Variants in SLC18A2 observed in about 807,000 individuals in gnomAD.
The protein encoded by SLC18A2 is solute carrier family 18 member A2.
In SLC18A2, 33 loss-of-function variants were observed where a neutral mutation model predicts 59.2. The ratio of observed to expected loss-of-function variants is 0.56; its 90% CI spans 0.42 to 0.75. The LOEUF (loss-of-function observed/expected upper bound fraction) is 0.75. SLC18A2 is among the 30% of genes least tolerant of loss of function. The probability of loss-of-function intolerance (pLI) is 0.00; values close to 1 mark genes in which losing one functional copy is unlikely to be tolerated. For missense variants in SLC18A2, 569 were observed against 668.6 expected (o/e 0.85, Z 1.64); for synonymous variants, 228 against 253.5 (o/e 0.90, Z 0.95).
At chr10:117,267,335 C>G (rs540139250) in intron 12 of SLC18A2, 4 of 447,038 alleles carry the variant, frequency 8.9e-6, no homozygotes, top group African/African-American at 7.9e-5. Flanking sequence ...GAAACAATAG[C>G]AAGATGTTTT....
At chr10:117,261,036 C>T (rs369022656) in intron 10 of SLC18A2, among the ~76,000 whole-genome samples, 81 of 152,230 alleles carry the variant, frequency 5.3e-4, no homozygotes, top group African/African-American at 1.9e-3. Flanking sequence ...ACTTCTGCTT[C>T]CTTAACAGTT....
intron 13 of SLC18A2, among the ~76,000 whole-genome samples, chr10:117,268,902 GTGTA>G (rs936741717): frequency 2.7e-5 from 4 of 149,982 alleles, no homozygotes; most frequent in African/African-American, 7.3e-5. Context: ...TGTGTGTTGT[GTGTA>G]TGTGTGTGAA....
intron 13 of SLC18A2, among the ~76,000 whole-genome samples, chr10:117,268,826 ATGTGTGTG>A (rs144528427): frequency 2.0e-5 from 3 of 150,808 alleles, no homozygotes; most frequent in African/African-American, 7.3e-5. Context: ...ATGTATGTTT[ATGTGTGTG>A]TGTGTGTGTA....
chr10:117,264,368 T>C (rs1844325738), intron 10 of SLC18A2, among the ~76,000 whole-genome samples: 1 of 152,150 alleles, frequency 6.6e-6, no homozygotes. Context: ...CCTAGCACTT[T>C]GGGAGGCTGA....
chr10:117,267,762 C>T (rs373052219), intron 13 of SLC18A2, 26 bp downstream of exon 13: 1 of 1,524,086 alleles, frequency 6.6e-7, no homozygotes, highest in Non-Finnish European at 9.0e-7. Flanking sequence ...CTTGTGCCTA[C>T]ATTTAAAACC....
intron 3 of SLC18A2, among the ~76,000 whole-genome samples, chr10:117,246,049 C>G (rs543416316): frequency 6.6e-6 from 1 of 152,298 alleles, no homozygotes; most frequent in Admixed American, 6.5e-5. Context: ...GGAGAAAAAC[C>G]AAACCGACCT....
chr10:117,248,790 C>A (rs953011681), intron 3 of SLC18A2, among the ~76,000 whole-genome samples: 2 of 152,184 alleles, frequency 1.3e-5, no homozygotes, highest in Admixed American at 1.3e-4. Context: ...ATAATAGTTG[C>A]ATCTTCAGAA....
chr10:117,246,661 C>CT (rs11369697), intron 3 of SLC18A2, among the ~76,000 whole-genome samples: 10,916 of 150,468 alleles, frequency 0.073, 524 homozygotes, highest in African/African-American at 0.13. Context: ...ATTTTTTTTT[C>CT]TTTTTTTTTG....
At chr10:117,271,788 T>C (rs1844430384) in intron 15 of SLC18A2, among the ~76,000 whole-genome samples, 1 of 152,184 alleles carries the variant, frequency 6.6e-6, no homozygotes, top group South Asian at 2.1e-4. Flanking sequence ...TGGCTGACCC[T>C]AGCATAATAC....
intron 6 of SLC18A2, 21 bp downstream of exon 6, chr10:117,254,518 G>C (rs1415058280): frequency 5.2e-6 from 8 of 1,547,870 alleles, no homozygotes; most frequent in Non-Finnish European, 7.0e-6. Flanking sequence ...CCCCCGTGTA[G>C]GCAAACTGGC....
intron 15 of SLC18A2, among the ~76,000 whole-genome samples, chr10:117,275,056 CATT>C (rs1844469856): frequency 6.6e-6 from 1 of 152,148 alleles, no homozygotes; most frequent in Non-Finnish European, 1.5e-5. Context: ...CCTTGCGAAT[CATT>C]AATCTGGGGG....
chr10:117,244,121 A>G lies in SLC18A2; in HGVS notation c.272A>G (p.Asn91Ser). Residue 91 changes from asparagine (N) to serine (S), a missense_variant, in exon 3 of 16, where the codon AAT (asparagine) becomes AGT (serine). Asn to Ser is a conservative substitution (Grantham distance 46). Around this residue, in one of 2 missense-constraint regions of SLC18A2, gnomAD observed 377 missense variants for 389.8 expected, o/e 0.97. Transcript: ENST00000644641. The stretch of plus-strand genomic sequence containing the variant: ...GATAACTCGACTATGGTCACCGGGA[A>G]TGCTACCAGAGACCTGACACTTCAT... The part of the protein sequence containing the change: ...YYDNSTMVTG[N>S]ATRDLTLHQT... The G allele has an allele frequency of 6.2e-7, 1 of 1,614,196 alleles. No homozygotes were observed. The highest frequency in any genetic ancestry group is 8.5e-7 in the Non-Finnish European group (1 of 1,180,042).
intron 9 of SLC18A2, among the ~76,000 whole-genome samples, chr10:117,256,880 G>A (rs376584341): frequency 4.5e-4 from 68 of 152,250 alleles, no homozygotes; most frequent in African/African-American, 1.6e-3. Flanking sequence ...CCTGTCTTGG[G>A]CTTCCCTGGA....
intron 10 of SLC18A2, among the ~76,000 whole-genome samples, chr10:117,264,656 C>G (rs1398488376): frequency 6.6e-6 from 1 of 152,154 alleles, no homozygotes; most frequent in African/African-American, 2.4e-5. Context: ...GACACTGAGG[C>G]TGAATGTCAG....
rs1017954648 is a variant in SLC18A2 at position 117,241,721 on chromosome 10, C to G, written c.28C>G (p.Arg10Gly). The stretch of plus-strand genomic sequence containing the variant: ...GGCCCTGAGCGAGCTGGCGCTGGTC[C>G]GCTGGCTGCAGGAGAGCCGCCGCTC... MALSELALV[R>G]WLQESRRSRK... Residue 10 changes from arginine (R) to glycine (G), a missense_variant, in exon 2 of 16, where the codon CGC (arginine) becomes GGC (glycine). Transcript: ENST00000644641. The G allele has an allele frequency of 2.5e-6, 4 of 1,604,900 alleles. No individual in the cohort carries two copies. The highest frequency in any genetic ancestry group is 2.7e-5 in the African/African-American group (2 of 74,554).
chr10:117,256,144 G>T (rs1318049688), intron 9 of SLC18A2, among the ~76,000 whole-genome samples: 1 of 152,194 alleles, frequency 6.6e-6, no homozygotes, highest in Admixed American at 6.5e-5. Flanking sequence ...CATCCCTGCC[G>T]AGCAGCAGGG....
intron 11 of SLC18A2, 38 bp from the exon 12 acceptor site, chr10:117,266,946 A>G: frequency 6.2e-7 from 1 of 1,603,660 alleles, no homozygotes; most frequent in South Asian, 1.1e-5. Context: ...GAAAAAAATC[A>G]AATGATCATT....
At chr10:117,273,046 A>T (rs947460683) in intron 15 of SLC18A2, among the ~76,000 whole-genome samples, 18 of 152,364 alleles carry the variant, frequency 1.2e-4, no homozygotes, top group African/African-American at 4.1e-4. Flanking sequence ...TTAGCAAATC[A>T]TTCTTCCATT....
At chr10:117,241,645 C>T (rs1467569073) in intron 1 of SLC18A2, 34 bp from the exon 2 acceptor site, 13 of 1,514,232 alleles carry the variant, frequency 8.6e-6, no homozygotes, top group Non-Finnish European at 1.1e-5. Context: ...GGTCCACGGC[C>T]GCCTTGGGTC....
Sources: allele counts gnomAD v4.1 joint callset (sites outside exome capture counted in the v4.1 genomes callset), GRCh38; gene constraint gnomAD v4.1.1; regional missense constraint gnomAD v4.1.1; transcripts MANE v1.5; gene names NCBI Gene and HGNC (gene_info 2026-07-23, HGNC 2026-07-21).